The following SCRN1 variants were observed in gnomAD, a reference collection of about 807,000 sequenced individuals.
SCRN1 encodes the protein secernin-1.
SCRN1 carries 19 observed loss-of-function variants against 43.3 expected under a neutral mutation model. The ratio of observed to expected loss-of-function variants is 0.44; its 90% confidence interval spans 0.31 to 0.64. The LOEUF (loss-of-function observed/expected upper bound fraction) is 0.64, where lower values mean the gene tolerates loss of function less well. Among genes scored for constraint, SCRN1 ranks in the 30% least tolerant of loss-of-function variants. The pLI is 0.09. For synonymous variants in SCRN1, 183 were observed against 188.9 expected (o/e 0.97, Z 0.26); for missense variants, 447 against 524.1 (o/e 0.85, Z 1.44).
At chr7:29,989,572 G>C (rs1374550898) in intron 1 of SCRN1, 70 bp downstream of exon 1, 16 of 985,486 alleles carry the variant, frequency 1.6e-5, no homozygotes, top group Non-Finnish European at 1.9e-5. Context: ...AGGAGGTGGC[G>C]ATGGCGGGTG....
chr7:29,933,003 A>T (rs1787211531), intron 6 of SCRN1, among the ~76,000 whole-genome samples: 1 of 151,858 alleles, frequency 6.6e-6, no homozygotes, highest in South Asian at 2.1e-4. Context: ...CAGCCTCCAG[A>T]GTACCTGGGA....
chr7:29,926,355 G>T (rs1271529132), intron 7 of SCRN1, 97 bp downstream of exon 7: 1 of 1,320,138 alleles, frequency 7.6e-7, no homozygotes, highest in Non-Finnish European at 1.1e-6. Flanking sequence ...ATGGGTGGGG[G>T]TAGGGTCTAG....
At chr7:29,972,666 G>A (rs1409472945) in intron 1 of SCRN1, among the ~76,000 whole-genome samples, 5 of 152,306 alleles carry the variant, frequency 3.3e-5, no homozygotes, top group South Asian at 2.1e-4. Flanking sequence ...AGACCTAGGA[G>A]CAAACTAGCC....
Position 29,955,358 on chromosome 7 carries a change from G to A in SCRN1, c.162C>T (p.Cys54=), listed in dbSNP as rs1393472293. ...GAACTTGGTCGATTGAAATGTAAGTGCACTGAAAAACAAACACAGGAAAGA... is the reference window on the plus strand; with the variant it reads ...GAACTTGGTCGATTGAAATGTAAGTACACTGAAAAACAAACACAGGAAAGA... ...ADHEPESKVE[C]TYISIDQVPR... Residue 54 remains cysteine, a splice_region_variant and synonymous_variant, in exon 3 of 8, where the codon TGC becomes TGT. Transcript: ENST00000242059. The A allele has an allele frequency of 1.9e-6, 3 of 1,612,142 alleles. No homozygotes were observed. Among genetic ancestry groups the A allele is most frequent in the African/African-American group, 1.3e-5 (1 of 74,748 alleles).
At chr7:29,967,468 A>T (rs1788535437) in intron 2 of SCRN1, among the ~76,000 whole-genome samples, 1 of 150,086 alleles carries the variant, frequency 6.7e-6, no homozygotes, top group Non-Finnish European at 1.5e-5. Flanking sequence ...GGCTCACGTG[A>T]TCCTCTCACC....
At chr7:29,984,204 C>CAAAAAAAAAAA (rs55733700) in intron 1 of SCRN1, among the ~76,000 whole-genome samples, 2 of 98,258 alleles carry the variant, frequency 2.0e-5, no homozygotes, top group African/African-American at 3.7e-5. Flanking sequence ...AGACAGTCTC[C>CAAAAAAAAAAA]AAAAAAAAAA....
chr7:29,973,361 T>C (rs1020076652), intron 1 of SCRN1, among the ~76,000 whole-genome samples: 1 of 152,232 alleles, frequency 6.6e-6, no homozygotes, highest in African/African-American at 2.4e-5. Flanking sequence ...ACCTTCACTT[T>C]TCTTCAAATC....
At chr7:29,926,041 T>C (rs1786940488) in intron 7 of SCRN1, among the ~76,000 whole-genome samples, 1 of 152,208 alleles carries the variant, frequency 6.6e-6, no homozygotes, top group African/African-American at 2.4e-5. Flanking sequence ...AGAACTTTTT[T>C]GAAACAACAT....
intron 6 of SCRN1, among the ~76,000 whole-genome samples, chr7:29,929,791 G>T (rs1171400461): frequency 2.0e-5 from 3 of 152,216 alleles, no homozygotes; most frequent in Non-Finnish European, 4.4e-5. Context: ...TTGTAAACTT[G>T]TGATGCCAGC....
intron 2 of SCRN1, among the ~76,000 whole-genome samples, chr7:29,959,645 G>A (rs1441227174): frequency 6.6e-6 from 1 of 152,042 alleles, no homozygotes; most frequent in African/African-American, 2.4e-5. Flanking sequence ...GTATTCTTAA[G>A]GTTCATATAA....
intron 1 of SCRN1, among the ~76,000 whole-genome samples, chr7:29,978,244 G>T (rs1788891030): frequency 6.6e-6 from 1 of 152,146 alleles, no homozygotes; most frequent in Admixed American, 6.5e-5. Flanking sequence ...TTAGAAATCT[G>T]AATTAGCAGC....
At chr7:29,949,800 A>C (rs868157555) in intron 3 of SCRN1, among the ~76,000 whole-genome samples, 2 of 151,644 alleles carry the variant, frequency 1.3e-5, no homozygotes, top group Admixed American at 6.6e-5. Flanking sequence ...CAGTCTCTCA[A>C]GTAGTTGGGA....
intron 6 of SCRN1, among the ~76,000 whole-genome samples, chr7:29,928,672 A>C (rs1294889737): frequency 6.6e-6 from 1 of 152,056 alleles, no homozygotes; most frequent in Non-Finnish European, 1.5e-5. Flanking sequence ...CCCTGCCAAG[A>C]ACCTACCCTC....
intron 1 of SCRN1, among the ~76,000 whole-genome samples, chr7:29,986,834 C>G (rs1405216312): frequency 2.0e-5 from 3 of 150,340 alleles, no homozygotes; most frequent in Non-Finnish European, 4.4e-5. Flanking sequence ...AAGCGATTCT[C>G]CTGCCTCAGC....
Position 29,968,899 on chromosome 7 carries a change from C to A in SCRN1, c.159+10G>T, listed in dbSNP as rs1788580001. On this transcript the variant is annotated intron_variant, in intron 2 of 7. Coordinates refer to ENST00000242059, the MANE Select transcript of SCRN1 (RefSeq NM_014766.5). ...GAGTGTGACTCGCGAGACTGCAATG[C>A]ACGGCTTACCTCAACCTTGCTCTCC... 1.2e-6 allele frequency: 2 copies of A among 1,614,128 alleles called. No homozygotes were observed. The highest frequency in any genetic ancestry group is 1.3e-5 in the African/African-American group (1 of 75,034).
At chr7:29,940,947 T>C in intron 4 of SCRN1, 71 bp from the exon 5 acceptor site, 1 of 1,276,220 alleles carries the variant, frequency 7.8e-7, no homozygotes. Flanking sequence ...TGGAAATGTA[T>C]AGGGAATCCT....
chr7:29,980,434 T>G (rs1788961383), intron 1 of SCRN1, among the ~76,000 whole-genome samples: 2 of 152,224 alleles, frequency 1.3e-5, no homozygotes, highest in Non-Finnish European at 2.9e-5. Flanking sequence ...TCCCACCATC[T>G]GTCTTCCTCT....
rs113422170 is a variant in SCRN1, at chr7:29,939,721, C to G, written c.739+961G>C. Among the ~76,000 whole-genome samples the G allele has an allele frequency of 3.3e-5, 5 of 152,256 alleles. 1 individual carries two copies. Among genetic ancestry groups the G allele is most frequent in the African/African-American group, 1.2e-4 (5 of 41,552 alleles). ...CCCTGTCCTAAATGATCCAAAACTT[C>G]GCCTTATAAAATACATGCATCACCA... On this transcript the variant is annotated intron_variant, in intron 5 of 7. Coordinates refer to ENST00000242059, the MANE Select transcript of SCRN1 (RefSeq NM_014766.5).
chr7:29,949,333 G>C (rs1373372751), intron 3 of SCRN1, among the ~76,000 whole-genome samples: 1 of 149,592 alleles, frequency 6.7e-6, no homozygotes, highest in Non-Finnish European at 1.5e-5. Context: ...AAAAAAAAAA[G>C]GGCACCCTAA....
Sources: allele counts gnomAD v4.1 joint callset (sites outside exome capture counted in the v4.1 genomes callset), GRCh38; gene constraint gnomAD v4.1.1; transcripts MANE v1.5; gene names NCBI Gene and HGNC (gene_info 2026-07-23, HGNC 2026-07-21).